JAM2: variants seen among roughly 807,000 people sequenced by gnomAD.
The protein encoded by JAM2 is junctional adhesion molecule 2.
Under a neutral mutation model 42.0 loss-of-function variants are expected in JAM2, and 17 were observed. The ratio of observed to expected loss-of-function variants is 0.40; its 90% CI spans 0.28 to 0.61. JAM2 has a LOEUF of 0.61. Among genes scored for constraint, JAM2 ranks in the 20% least tolerant of loss-of-function variants. JAM2 has a pLI of 0.37. For missense variants in JAM2, 319 were observed against 358.3 expected (o/e 0.89, Z 0.89); for synonymous variants, 118 against 128.6 (o/e 0.92, Z 0.56).
At chr21:25,673,995 C>T (rs538279227) in intron 1 of JAM2, among the ~76,000 whole-genome samples, 379 of 152,334 alleles carry the variant, frequency 2.5e-3, no homozygotes, top group Non-Finnish European at 3.3e-3. Flanking sequence ...CTCATTCTCT[C>T]TTGACTGCCG....
chr21:25,667,347 G>A (rs2033249179), intron 1 of JAM2, among the ~76,000 whole-genome samples: 1 of 152,136 alleles, frequency 6.6e-6, no homozygotes, highest in South Asian at 2.1e-4. Flanking sequence ...GTCAATAGTA[G>A]CCTAATGCTA....
At chr21:25,671,992 T>C (rs2033373105) in intron 1 of JAM2, among the ~76,000 whole-genome samples, 1 of 152,220 alleles carries the variant, frequency 6.6e-6, no homozygotes, top group African/African-American at 2.4e-5. Flanking sequence ...ACTACAAAGA[T>C]ATAAAGGAAG....
At chr21:25,674,104 G>A (rs371187822) in intron 1 of JAM2, among the ~76,000 whole-genome samples, 15 of 152,198 alleles carry the variant, frequency 9.9e-5, no homozygotes, top group Admixed American at 3.3e-4. Flanking sequence ...TATAAGTTAC[G>A]CAGTCTTGGC....
In JAM2 at chr21:25,682,660, G is replaced by A. The variant is rs541638937; in HGVS notation, c.68-1223G>A. Among the ~76,000 whole-genome samples the A allele has an allele frequency of 3.3e-5, 5 of 152,334 alleles. No individual in the cohort carries two copies. In the South Asian group the frequency reaches 8.3e-4, roughly 25 times the overall value. On this transcript the variant is annotated intron_variant, in intron 1 of 9. Transcript: ENST00000480456. ...GACCCTCTGCCTTTTCGCATGGGCCGAGGGCCAGTGTGACAGCTTTCTGTA... is the reference window on the plus strand; with the variant it reads ...GACCCTCTGCCTTTTCGCATGGGCCAAGGGCCAGTGTGACAGCTTTCTGTA...
intron 1 of JAM2, among the ~76,000 whole-genome samples, chr21:25,659,591 G>A (rs2033026237): frequency 6.6e-6 from 1 of 152,086 alleles, no homozygotes; most frequent in Admixed American, 6.6e-5. Context: ...TAGGGTTCAG[G>A]CACTTATAGT....
chr21:25,687,751 A>G (rs2033782053), intron 2 of JAM2, among the ~76,000 whole-genome samples: 1 of 152,200 alleles, frequency 6.6e-6, no homozygotes, highest in Non-Finnish European at 1.5e-5. Flanking sequence ...TCTTTCTCAA[A>G]GAACCATATA....
In JAM2 at chr21:25,654,647, CAA is replaced by C. The variant is rs34222589; in HGVS notation, c.67+14780_67+14781del. On this transcript the variant is annotated intron_variant, in intron 1 of 9. Coordinates refer to ENST00000480456, the MANE Select transcript of JAM2 (RefSeq NM_021219.4). ...TGGGCAACAGAGTGAGACTTTCTCT[CAA>C]AAAAAAAAAAAAAAAAAAAATTGGA... Among the ~76,000 whole-genome samples the C allele has an allele frequency of 8.8e-3, 803 of 91,544 alleles. 6 individuals are homozygous for C. The highest frequency in any genetic ancestry group is 0.03 in the African/African-American group (728 of 24,040). The allele number at this position is 91,544 out of a possible 152,430, so 60.1% of individuals were successfully genotyped here.
chr21:25,709,431 T>C lies in JAM2; in HGVS notation c.806-3T>C, dbSNP rs749020390. 4 of 1,423,026 alleles carry C rather than the reference T, an allele frequency of 2.8e-6. No individual in the cohort carries two copies. In the South Asian group the frequency reaches 3.9e-5, roughly 14 times the overall value. 88.1% of individuals were successfully genotyped at this position (1,423,026 alleles called of 1,614,324 possible). On this transcript the variant is annotated splice_polypyrimidine_tract_variant and splice_region_variant and intron_variant, in intron 7 of 9. Coordinates refer to ENST00000480456, the MANE Select transcript of JAM2 (RefSeq NM_021219.4). ...TTAATGATATATACTTTTTCTTTTGTAGAAGAAACCTCCTTCCAGTAAGTA... is the reference window on the plus strand; with the variant it reads ...TTAATGATATATACTTTTTCTTTTGCAGAAGAAACCTCCTTCCAGTAAGTA...
intron 1 of JAM2, 116 bp downstream of exon 1, chr21:25,640,004 G>T (rs1470377157): frequency 1.5e-6 from 1 of 674,854 alleles, no homozygotes; most frequent in African/African-American, 1.9e-5. Flanking sequence ...AGGTCGCCGC[G>T]GGGCGTCTGA....
At chr21:25,691,741 A>C (rs1437448901) in intron 3 of JAM2, among the ~76,000 whole-genome samples, 2 of 152,160 alleles carry the variant, frequency 1.3e-5, no homozygotes, top group African/African-American at 4.8e-5. Context: ...TTTAAAATAT[A>C]ACATGGGGCT....
At position 25,699,722 on chromosome 21, in the gene JAM2, C is replaced by CAAAA. The variant is rs59490509; in HGVS notation, c.597+873_597+876dup. On this transcript the variant is annotated intron_variant, in intron 5 of 9. Transcript: ENST00000480456. ...TGGGTGACAGAGCCAGGCTCCGTCT[C>CAAAA]AAAAAAAAAAAAAAAAAAAAAAAAA... 1.5e-3 allele frequency among the ~76,000 whole-genome samples: 61 copies of CAAAA among 41,944 alleles called. 2 individuals carry two copies. The highest frequency in any genetic ancestry group is 8.1e-3 in the East Asian group (6 of 740). The allele number at this position is 41,944 out of a possible 152,430, so 27.5% of individuals were successfully genotyped here. A position where few individuals can be genotyped will look rare whatever the true frequency, so the allele number is the denominator to read the frequency against.
intron 1 of JAM2, among the ~76,000 whole-genome samples, chr21:25,662,668 A>G (rs1237700173): frequency 6.6e-6 from 1 of 152,170 alleles, no homozygotes; most frequent in African/African-American, 2.4e-5. Context: ...TCATAGCCTA[A>G]GTATTGCAAT....
chr21:25,663,425 G>T (rs1310165043), intron 1 of JAM2, among the ~76,000 whole-genome samples: 1 of 152,120 alleles, frequency 6.6e-6, no homozygotes, highest in Non-Finnish European at 1.5e-5. Context: ...GGGTTGCTAT[G>T]GTTTGAATAT....
At chr21:25,664,676 C>G (rs966797008) in intron 1 of JAM2, among the ~76,000 whole-genome samples, 3 of 152,232 alleles carry the variant, frequency 2.0e-5, no homozygotes, top group Non-Finnish European at 4.4e-5. Flanking sequence ...CCAATTGCCT[C>G]TTCTCAATCT....
At chr21:25,646,221 A>T (rs1042309853) in intron 1 of JAM2, among the ~76,000 whole-genome samples, 2 of 152,236 alleles carry the variant, frequency 1.3e-5, no homozygotes, top group South Asian at 4.1e-4. Context: ...TATGCAGTGC[A>T]TGACTGCATT....
At chr21:25,696,045 G>A (rs1369329883) in intron 4 of JAM2, among the ~76,000 whole-genome samples, 1 of 152,220 alleles carries the variant, frequency 6.6e-6, no homozygotes, top group Non-Finnish European at 1.5e-5. Context: ...GCGGCTGGGA[G>A]GTGGAGGTTG....
At chr21:25,704,647 A>C (rs2034234814) in intron 6 of JAM2, among the ~76,000 whole-genome samples, 1 of 152,246 alleles carries the variant, frequency 6.6e-6, no homozygotes, top group African/African-American at 2.4e-5. Context: ...CTCCTTTAAT[A>C]AATACATGGG....
At chr21:25,648,695 A>G (rs779054931) in intron 1 of JAM2, among the ~76,000 whole-genome samples, 4 of 152,046 alleles carry the variant, frequency 2.6e-5, no homozygotes, top group Non-Finnish European at 4.4e-5. Context: ...TGCTTTTGGT[A>G]TATTCTTTAT....
At chr21:25,686,979 A>G (rs2033765271) in intron 2 of JAM2, among the ~76,000 whole-genome samples, 1 of 152,254 alleles carries the variant, frequency 6.6e-6, no homozygotes, top group African/African-American at 2.4e-5. Context: ...TCCCCTTAAT[A>G]GAAAAGACTT....
Sources: allele counts gnomAD v4.1 joint callset (sites outside exome capture counted in the v4.1 genomes callset), GRCh38; gene constraint gnomAD v4.1.1; transcripts MANE v1.5; gene names NCBI Gene and HGNC (gene_info 2026-07-23, HGNC 2026-07-21).